PAM: variants seen among roughly 807,000 people sequenced by gnomAD.
PAM encodes peptidyl-glycine alpha-amidating monooxygenase.
Under a neutral mutation model 122.1 loss-of-function variants are expected in PAM, and 72 were observed. The observed-to-expected ratio is 0.59, with a 90% CI of 0.49 to 0.72. PAM has a LOEUF of 0.72. PAM is among the 30% of genes least tolerant of loss of function. PAM has a pLI of 0.00. For missense variants in PAM, 1,106 were observed against 1,183.7 expected (o/e 0.93, Z 0.96); for synonymous variants, 389 against 404.4 (o/e 0.96, Z 0.46).
intron 3 of PAM, among the ~76,000 whole-genome samples, chr5:102,882,862 AT>A (rs1403264176): frequency 2.0e-5 from 3 of 151,892 alleles, no homozygotes; most frequent in Non-Finnish European, 4.4e-5. Context: ...GGTCTTAGAT[AT>A]AAGTCTTTGA....
At chr5:102,831,913 C>T (rs1385689447) in intron 1 of PAM, among the ~76,000 whole-genome samples, 1 of 151,804 alleles carries the variant, frequency 6.6e-6, no homozygotes, top group Non-Finnish European at 1.5e-5. Context: ...GCCCCTGTCT[C>T]ATACATGTAC....
At chr5:102,864,613 TTGTTTTA>T (rs1217020440) in intron 1 of PAM, 2 of 152,194 alleles carry the variant, frequency 1.3e-5, no homozygotes, top group Non-Finnish European at 2.9e-5. Flanking sequence ...TTGTTTTGTT[TTGTTTTA>T]GATTAGCTTC....
intron 3 of PAM, among the ~76,000 whole-genome samples, chr5:102,890,351 ATC>A (rs1561780416): frequency 2.6e-5 from 4 of 151,884 alleles, no homozygotes; most frequent in Non-Finnish European, 5.9e-5. Context: ...TCAGCTTATT[ATC>A]TATTGCTTTT....
chr5:102,869,050 G>A (rs1786504815), intron 3 of PAM, among the ~76,000 whole-genome samples: 1 of 152,166 alleles, frequency 6.6e-6, no homozygotes, highest in Non-Finnish European at 1.5e-5. Flanking sequence ...GCCTCATGCA[G>A]TGCATATTTG....
At chr5:103,015,377 C>T (rs1198902047) in intron 21 of PAM, among the ~76,000 whole-genome samples, 1 of 152,094 alleles carries the variant, frequency 6.6e-6, no homozygotes, top group Non-Finnish European at 1.5e-5. Flanking sequence ...GCAGTTTGCT[C>T]CAGGCTTTGT....
At chr5:102,881,931 T>G (rs1370650344) in intron 3 of PAM, among the ~76,000 whole-genome samples, 1 of 150,426 alleles carries the variant, frequency 6.6e-6, no homozygotes, top group African/African-American at 2.4e-5. Flanking sequence ...TGAGAACATA[T>G]GATGTTTGGT....
chr5:102,815,790 A>G (rs1769586371), intron 1 of PAM, among the ~76,000 whole-genome samples: 1 of 152,212 alleles, frequency 6.6e-6, no homozygotes, highest in Admixed American at 6.5e-5. Context: ...TGCAGAAACA[A>G]TAAGTTGGCA....
intron 1 of PAM, among the ~76,000 whole-genome samples, chr5:102,829,370 T>TG (rs1561559468): frequency 6.8e-6 from 1 of 148,100 alleles, no homozygotes; most frequent in East Asian, 2.1e-4. Context: ...GAGGTTTTTT[T>TG]TTTTTTTTTT....
intron 4 of PAM, among the ~76,000 whole-genome samples, chr5:102,908,624 G>A (rs1286429068): frequency 2.0e-5 from 3 of 151,242 alleles, no homozygotes; most frequent in African/African-American, 7.3e-5. Context: ...GCTAAATGAC[G>A]AGTTAGTGGG....
intron 11 of PAM, 121 bp from the exon 12 acceptor site, chr5:102,950,596 C>A (rs1401500765): frequency 3.2e-6 from 2 of 627,912 alleles, no homozygotes; most frequent in East Asian, 2.7e-5. Context: ...AATTCAACAT[C>A]CCTTCATGAT....
chr5:102,894,799 C>G (rs757327303), intron 3 of PAM, among the ~76,000 whole-genome samples: 4 of 151,700 alleles, frequency 2.6e-5, no homozygotes, highest in Admixed American at 6.6e-5. Flanking sequence ...AGGAGTTATT[C>G]TCAACACTGC....
At chr5:102,810,743 GC>G (rs1237481927) in intron 1 of PAM, among the ~76,000 whole-genome samples, 2 of 152,138 alleles carry the variant, frequency 1.3e-5, no homozygotes, top group Non-Finnish European at 2.9e-5. Context: ...CATGAGAATT[GC>G]TTGAACCTGG....
At chr5:102,978,846 C>A (rs951289604) in intron 15 of PAM, among the ~76,000 whole-genome samples, 10 of 148,370 alleles carry the variant, frequency 6.7e-5, no homozygotes, top group African/African-American at 1.0e-4. Context: ...AAAAAAAAAA[C>A]ACCTATACAT....
At chr5:102,835,448 A>G (rs903816406) in intron 1 of PAM, among the ~76,000 whole-genome samples, 32 of 152,160 alleles carry the variant, frequency 2.1e-4, no homozygotes, top group African/African-American at 6.8e-4. Context: ...TTGATTCTTT[A>G]AAAACGAAAA....
intron 16 of PAM, among the ~76,000 whole-genome samples, chr5:103,002,311 A>T (rs548520399): frequency 1.3e-5 from 2 of 152,236 alleles, no homozygotes; most frequent in South Asian, 4.1e-4. Context: ...TATGTCCATA[A>T]TATTTTATAA....
chr5:102,755,154 C>T (rs1443044764), upstream of PAM: 1 of 152,418 alleles, frequency 6.6e-6, no homozygotes, highest in Non-Finnish European at 1.5e-5. Flanking sequence ...AGACCTGCCC[C>T]AGGAGTCGAG....
At chr5:102,755,235 C>G (rs1266556076), upstream of PAM, 1 of 152,502 alleles carries the variant, frequency 6.6e-6, no homozygotes, top group Non-Finnish European at 1.5e-5. Context: ...CCGCTGCCTC[C>G]GCGTGCTCAG....
In PAM at chr5:102,890,071, G is replaced by T. The variant is rs574727007; in HGVS notation, c.211-11285G>T. ...GTAATGTATTTGTGAAGAAATCAGGGTATTTATTCGATAGAGTATCATACA... is the reference window on the plus strand; with the variant it reads ...GTAATGTATTTGTGAAGAAATCAGGTTATTTATTCGATAGAGTATCATACA... On this transcript the variant is annotated intron_variant, in intron 3 of 25. Transcript: ENST00000438793. Among the ~76,000 whole-genome samples the T allele has an allele frequency of 1.3e-3, 201 of 151,976 alleles. 1 individual carries two copies. Among genetic ancestry groups the T allele is most frequent in the African/African-American group, 4.7e-3 (194 of 41,500 alleles).
Position 102,989,192 on chromosome 5 carries a change from C to T in PAM, c.1484-1080C>T, listed in dbSNP as rs571693616. Among the ~76,000 whole-genome samples, 20 of 152,198 alleles carry T rather than the reference C, an allele frequency of 1.3e-4. No individual in the cohort carries two copies. In the South Asian group the frequency reaches 3.7e-3, roughly 28 times the overall value. ...TACATTGTACCCCTTTATCCGTGAG[C>T]GTGTTTATAAAAGGGATTAACACAA... On this transcript the variant is annotated intron_variant, in intron 15 of 25. Transcript: ENST00000438793.
Sources: allele counts gnomAD v4.1 joint callset (sites outside exome capture counted in the v4.1 genomes callset), GRCh38; gene constraint gnomAD v4.1.1; transcripts MANE v1.5; gene names NCBI Gene and HGNC (gene_info 2026-07-23, HGNC 2026-07-21).